Variants in TCF12 observed in about 807,000 individuals in gnomAD.
The protein encoded by TCF12 is transcription factor 12.
TCF12 carries 45 observed loss-of-function variants against 86.0 expected under a neutral mutation model. That is an observed-to-expected ratio of 0.52 (90% CI 0.41 to 0.67). The LOEUF (loss-of-function observed/expected upper bound fraction) is 0.67. Among genes scored for constraint, TCF12 ranks in the 30% least tolerant of loss-of-function variants. The pLI is 0.00. For missense variants in TCF12, 881 were observed against 859.9 expected (o/e 1.02, Z -0.31); for synonymous variants, 330 against 299.6 (o/e 1.10, Z -1.05).
At chr15:56,970,897 A>T (rs201280959) in intron 3 of TCF12, among the ~76,000 whole-genome samples, 2 of 92,386 alleles carry the variant, frequency 2.2e-5, no homozygotes, top group Admixed American at 1.1e-4. Context: ...AAAAAATAAA[A>T]AAAAAAATTA....
intron 3 of TCF12, among the ~76,000 whole-genome samples, chr15:57,038,732 G>C (rs2141423890): frequency 6.6e-6 from 1 of 152,242 alleles, no homozygotes; most frequent in South Asian, 2.1e-4. Flanking sequence ...GTTATATTTA[G>C]TAGGAAACTG....
At chr15:57,147,639 T>C (rs1341895558) in intron 5 of TCF12, among the ~76,000 whole-genome samples, 4 of 152,090 alleles carry the variant, frequency 2.6e-5, no homozygotes, top group Non-Finnish European at 4.4e-5. Context: ...TTTTATAAAA[T>C]TATGAATGGA....
intron 5 of TCF12, 144 bp from the exon 6 acceptor site, chr15:57,166,258 C>T (rs566774414): frequency 1.7e-5 from 11 of 642,992 alleles, no homozygotes; most frequent in Non-Finnish European, 2.7e-5. Context: ...GCAAGTTTTA[C>T]AAATTATTGA....
chr15:57,170,673 ATAAT>A (rs1429403273), intron 6 of TCF12, among the ~76,000 whole-genome samples: 1 of 5,858 alleles, frequency 1.7e-4, no homozygotes, highest in Non-Finnish European at 3.0e-4. Context: ...ATATATATAT[ATAAT>A]ATATTATATA....
At chr15:57,212,862 T>G (rs1206402298) in intron 8 of TCF12, among the ~76,000 whole-genome samples, 1 of 152,196 alleles carries the variant, frequency 6.6e-6, no homozygotes, top group Non-Finnish European at 1.5e-5. Context: ...CCCTGTCTCC[T>G]GACTCCCAGT....
At chr15:57,272,575 A>G (rs1478688469) in intron 18 of TCF12, among the ~76,000 whole-genome samples, 3 of 152,358 alleles carry the variant, frequency 2.0e-5, no homozygotes, top group East Asian at 1.9e-4. Flanking sequence ...TGTAATGTGT[A>G]TATCAGTCAT....
In TCF12 at chr15:57,091,560, A is replaced by G. The variant is rs573519007; in HGVS notation, c.223-229A>G. Among the ~76,000 whole-genome samples the G allele has an allele frequency of 1.1e-4, 17 of 152,330 alleles. No homozygotes were observed. The South Asian group carries it at 3.5e-3, about 32-fold the overall frequency. On this transcript the variant is annotated intron_variant, in intron 4 of 20. Transcript: ENST00000333725. ...TCGTGCTCATGGTTAGTGTTTATTTATAGAAACCCACTTTTCTTTACGATC... is the reference window on the plus strand; with the variant it reads ...TCGTGCTCATGGTTAGTGTTTATTTGTAGAAACCCACTTTTCTTTACGATC...
chr15:57,143,360 G>A (rs370392570), intron 5 of TCF12, among the ~76,000 whole-genome samples: 10 of 152,266 alleles, frequency 6.6e-5, no homozygotes, highest in African/African-American at 2.2e-4. Context: ...GAAGTATTTT[G>A]TGGGTGGTAG....
At chr15:57,001,000 AAT>A (rs1491235011) in intron 3 of TCF12, among the ~76,000 whole-genome samples, 1 of 147,720 alleles carries the variant, frequency 6.8e-6, no homozygotes, top group Non-Finnish European at 1.5e-5. Flanking sequence ...AATTTTTAAA[AAT>A]TTAAAAAAAA....
chr15:57,223,642 G>GTTTTTTTTTTTTT (rs2058706247), intron 8 of TCF12, among the ~76,000 whole-genome samples: 2 of 34,276 alleles, frequency 5.8e-5, no homozygotes, highest in South Asian at 1.3e-3. Context: ...CTACCAATGA[G>GTTTTTTTTTTTTT]GTTTTTTTTT....
At chr15:57,221,124 T>C (rs1038845332) in intron 8 of TCF12, among the ~76,000 whole-genome samples, 1 of 152,182 alleles carries the variant, frequency 6.6e-6, no homozygotes, top group Non-Finnish European at 1.5e-5. Context: ...GGCCAGTGTT[T>C]GGTTGTGAAC....
intron 3 of TCF12, among the ~76,000 whole-genome samples, chr15:56,984,585 C>T (rs2063089958): frequency 6.6e-6 from 1 of 152,110 alleles, no homozygotes. Flanking sequence ...GGTCATAGCA[C>T]AGTATAGTTT....
intron 6 of TCF12, 98 bp downstream of exon 6, chr15:57,166,564 C>A: frequency 9.3e-7 from 1 of 1,074,254 alleles, no homozygotes; most frequent in Non-Finnish European, 1.3e-6. Context: ...ATTTATTTCA[C>A]TACTGTTTGT....
intron 5 of TCF12, among the ~76,000 whole-genome samples, chr15:57,124,063 C>T (rs1312298436): frequency 6.6e-6 from 1 of 151,618 alleles, no homozygotes; most frequent in Non-Finnish European, 1.5e-5. Flanking sequence ...GATCCCGCTA[C>T]CTCAACCTCC....
At chr15:57,256,546 C>A (rs925714347) in intron 16 of TCF12, among the ~76,000 whole-genome samples, 10 of 139,820 alleles carry the variant, frequency 7.2e-5, no homozygotes, top group African/African-American at 2.6e-4. Flanking sequence ...AATCGATTCC[C>A]CACCCCCACC....
chr15:57,099,898 T>A (rs1279584297), intron 5 of TCF12, among the ~76,000 whole-genome samples: 1 of 151,956 alleles, frequency 6.6e-6, no homozygotes, highest in East Asian at 1.9e-4. Flanking sequence ...TCTGGTCTAA[T>A]GGATTTTTTG....
At chr15:56,957,274 C>T (rs1350472366) in intron 3 of TCF12, among the ~76,000 whole-genome samples, 1 of 152,144 alleles carries the variant, frequency 6.6e-6, no homozygotes, top group Non-Finnish European at 1.5e-5. Context: ...TTATGGTTAC[C>T]AAATTTTGAA....
At chr15:57,004,065 T>C (rs1596064203) in intron 3 of TCF12, among the ~76,000 whole-genome samples, 1 of 152,164 alleles carries the variant, frequency 6.6e-6, no homozygotes, top group African/African-American at 2.4e-5. Flanking sequence ...TCCTCAGTGA[T>C]GTAATTTCTA....
chr15:56,947,157 T>C (rs2061040113), intron 3 of TCF12, among the ~76,000 whole-genome samples: 3 of 152,198 alleles, frequency 2.0e-5, no homozygotes, highest in Admixed American at 2.0e-4. Flanking sequence ...CTGAGGTCTT[T>C]ACTGAATGCT....
Sources: allele counts gnomAD v4.1 joint callset (sites outside exome capture counted in the v4.1 genomes callset), GRCh38; gene constraint gnomAD v4.1.1; transcripts MANE v1.5; gene names NCBI Gene and HGNC (gene_info 2026-07-23, HGNC 2026-07-21).